The following CPLX1 variants were observed in gnomAD, a reference collection of about 807,000 sequenced individuals.
CPLX1 encodes complexin 1.
In CPLX1, 6 loss-of-function variants were observed where a neutral mutation model predicts 15.6. That is an observed-to-expected ratio of 0.39 (90% CI 0.21 to 0.76). The LOEUF (loss-of-function observed/expected upper bound fraction) is 0.76. Ranked by LOEUF, CPLX1 falls within the 30% of genes least tolerant of loss-of-function variation. The pLI is 0.43. For synonymous variants in CPLX1, 91 were observed against 75.2 expected (o/e 1.21, Z -1.08); for missense variants, 242 against 188.6 (o/e 1.28, Z -1.66).
chr4:798,181 A>G (rs1354109004), intron 2 of CPLX1, among the ~76,000 whole-genome samples: 1 of 149,884 alleles, frequency 6.7e-6, no homozygotes. Flanking sequence ...AGGCTGAGTC[A>G]GGAGAATCAC....
chr4:810,836 A>T (rs1746655125), intron 2 of CPLX1, among the ~76,000 whole-genome samples: 1 of 151,596 alleles, frequency 6.6e-6, no homozygotes, highest in Non-Finnish European at 1.5e-5. Flanking sequence ...AGCTGGGATT[A>T]CAGGTGCCCG....
rs1746740983 is a variant in CPLX1, at chr4:815,740, CG to C, written c.31+8751del. 3.3e-5 allele frequency among the ~76,000 whole-genome samples: 5 copies of C among 152,286 alleles called. No homozygotes were observed. The South Asian group carries it at 1.0e-3, about 32-fold the overall frequency. ...AGGTTTCACAGGTCATAAATCTCAG[CG>C]GCACTTGGAGAAGCACCGTGAGAGG... On this transcript the variant is annotated intron_variant, in intron 2 of 3. Transcript: ENST00000304062.
intron 2 of CPLX1, among the ~76,000 whole-genome samples, chr4:799,619 T>C (rs562099843): frequency 2.6e-5 from 4 of 152,282 alleles, no homozygotes; most frequent in Non-Finnish European, 4.4e-5. Context: ...TCCCAGCACT[T>C]TGGGAGGCCG....
At position 786,656 on chromosome 4, in the gene CPLX1, C is replaced by T. The variant is rs768819982; in HGVS notation, c.250G>A (p.Ala84Thr). The part of the protein sequence containing the change: ...KKEEREAEAQ[A>T]AMEANSEGSL... ...CCCTCGGAGTTGGCCTCCATGGCGG[C>T]CTGGGCCTCGGCCTCGCGCTCCTCC... Residue 84 changes from alanine (A) to threonine (T), a missense_variant, in exon 4 of 4, where the codon GCC becomes ACC. Ala to Thr is a moderately conservative substitution (Grantham distance 58). Coordinates refer to ENST00000304062, the MANE Select transcript of CPLX1 (RefSeq NM_006651.4). 15 of 1,611,542 alleles carry T rather than the reference C, an allele frequency of 9.3e-6. No homozygotes were observed. Among genetic ancestry groups the T allele is most frequent in the East Asian group, 2.2e-5 (1 of 44,780 alleles).
chr4:791,427 G>A (rs1475305623), intron 3 of CPLX1, among the ~76,000 whole-genome samples: 1 of 152,138 alleles, frequency 6.6e-6, no homozygotes, highest in Non-Finnish European at 1.5e-5. Context: ...TGGGTACAGC[G>A]GCTGCATGTG....
intron 2 of CPLX1, among the ~76,000 whole-genome samples, chr4:811,866 T>G (rs1288360599): frequency 6.6e-6 from 1 of 152,200 alleles, no homozygotes; most frequent in African/African-American, 2.4e-5. Flanking sequence ...TGCTGACGTA[T>G]GTTGGAACTC....
At chr4:806,522 T>C (rs754028709) in intron 2 of CPLX1, among the ~76,000 whole-genome samples, 6 of 152,110 alleles carry the variant, frequency 3.9e-5, no homozygotes, top group African/African-American at 7.2e-5. Flanking sequence ...TCAAAAGCAA[T>C]TGTAATAAAG....
chr4:800,774 CAG>C (rs1360664437), intron 2 of CPLX1, among the ~76,000 whole-genome samples: 37 of 146,820 alleles, frequency 2.5e-4, no homozygotes, highest in Non-Finnish European at 5.2e-4. Flanking sequence ...TATACACACA[CAG>C]ACACATATAT....
intron 3 of CPLX1, among the ~76,000 whole-genome samples, chr4:788,975 C>T (rs549102792): frequency 1.2e-4 from 18 of 152,314 alleles, no homozygotes; most frequent in Middle Eastern, 6.8e-3. Context: ...TGTCTGCAAA[C>T]GGTGTGGGAT....
At chr4:787,783 C>T (rs1209699336) in intron 3 of CPLX1, 3 of 985,210 alleles carry the variant, frequency 3.0e-6, no homozygotes, top group Non-Finnish European at 3.6e-6. Flanking sequence ...ACTCCTCCAG[C>T]CCTCCCGTGA....
chr4:792,332 G>T, intron 3 of CPLX1, 101 bp downstream of exon 3: 1 of 1,091,826 alleles, frequency 9.2e-7, no homozygotes, highest in Non-Finnish European at 1.2e-6. Flanking sequence ...CCAGGGGGAC[G>T]CCCGCCCCTC....
chr4:791,382 G>A (rs1286045706), intron 3 of CPLX1, among the ~76,000 whole-genome samples: 1 of 152,210 alleles, frequency 6.6e-6, no homozygotes, highest in South Asian at 2.1e-4. Context: ...CGGAGGGTGT[G>A]GGGAGAATCC....
chr4:795,674 G>A (rs1415693311), intron 2 of CPLX1, among the ~76,000 whole-genome samples: 2 of 152,080 alleles, frequency 1.3e-5, no homozygotes, highest in East Asian at 1.9e-4. Flanking sequence ...GCACGACCCC[G>A]CGGCAATGAC....
Position 786,540 on chromosome 4 carries a change from C to G in CPLX1, c.366G>C (p.Lys122Asn). The G allele has an allele frequency of 1.9e-6, 3 of 1,606,594 alleles. No individual in the cohort carries two copies. Among genetic ancestry groups the G allele is most frequent in the Non-Finnish European group, 2.5e-6 (3 of 1,176,742 alleles). Residue 122 changes from lysine to asparagine, a missense_variant, in exon 4 of 4, where the codon AAG (lysine) becomes AAC (asparagine). Lys to Asn is a moderately conservative substitution (Grantham distance 94). Transcript: ENST00000304062. ...TGTCCTGCAGCGGCCCGGGCAGGTA[C>G]TTGATGACGGTGTCCAGGATGCTCT... Reference protein sequence around the residue: ...EDESILDTVIKYLPGPLQDML... With the variant: ...EDESILDTVINYLPGPLQDML...
chr4:804,079 T>G (rs1746510273), intron 2 of CPLX1, among the ~76,000 whole-genome samples: 1 of 152,224 alleles, frequency 6.6e-6, no homozygotes, highest in Non-Finnish European at 1.5e-5. Context: ...GGAACAATGG[T>G]TGCACCACAC....
intron 2 of CPLX1, among the ~76,000 whole-genome samples, chr4:801,345 T>G (rs867500162): frequency 1.3e-5 from 2 of 151,824 alleles, no homozygotes; most frequent in Non-Finnish European, 2.9e-5. Context: ...AAGTCTTATA[T>G]TCAGAATACA....
intron 2 of CPLX1, among the ~76,000 whole-genome samples, chr4:816,920 T>A (rs1382531118): frequency 6.6e-6 from 1 of 152,214 alleles, no homozygotes; most frequent in Non-Finnish European, 1.5e-5. Context: ...ATACACTGCA[T>A]CATTTTCAAC....
intron 3 of CPLX1, 72 bp downstream of exon 3, chr4:792,361 A>C (rs1419844027): frequency 1.2e-5 from 16 of 1,359,790 alleles, no homozygotes; most frequent in East Asian, 5.6e-5. Flanking sequence ...AGCCCCTTCC[A>C]CCCAGGCGGG....
intron 2 of CPLX1, among the ~76,000 whole-genome samples, chr4:821,795 A>G (rs1021060102): frequency 3.9e-5 from 6 of 152,150 alleles, no homozygotes; most frequent in African/African-American, 1.4e-4. Context: ...GGTGGCCCCA[A>G]CAGGGGCCCC....
Sources: allele counts gnomAD v4.1 joint callset (sites outside exome capture counted in the v4.1 genomes callset), GRCh38; gene constraint gnomAD v4.1.1; transcripts MANE v1.5; gene names NCBI Gene and HGNC (gene_info 2026-07-23, HGNC 2026-07-21).